Variants in RIMBP2 observed in about 807,000 individuals in gnomAD.
RIMBP2 encodes the protein RIMS-binding protein 2.
RIMBP2 carries 48 observed loss-of-function variants against 118.6 expected under a neutral mutation model. The observed-to-expected ratio is 0.40, with a 90% CI of 0.32 to 0.51. The LOEUF is 0.51. RIMBP2 is among the 20% of genes least tolerant of loss of function. RIMBP2 has a pLI of 0.41. For synonymous variants in RIMBP2, 762 were observed against 742.9 expected (o/e 1.03, Z -0.42); for missense variants, 1,551 against 1,768.3 (o/e 0.88, Z 2.20).
chr12:130,424,999 G>A lies in RIMBP2; in HGVS notation c.2413-141C>T, dbSNP rs12830091. ...GGGGAAGCATGCGTCTACTCAGGCCGGGGGCATGCCGTGGAGGGCTCTGCA... is the reference window on the plus strand; with the variant it reads ...GGGGAAGCATGCGTCTACTCAGGCCAGGGGCATGCCGTGGAGGGCTCTGCA... On this transcript the variant is annotated intron_variant, in intron 15 of 22. Transcript: ENST00000690449. This position sits in a 1 kb window ranked among gnomAD's most constrained non-coding sequence, Gnocchi z 9.8. The A allele has an allele frequency of 0.08, 35,763 of 445,080 alleles. 1,513 individuals carry two copies. The highest frequency in any genetic ancestry group is 0.092 in the South Asian group (731 of 7,938). The allele number at this position is 445,080 out of a possible 1,614,324, so 27.6% of individuals were successfully genotyped here. A position where few individuals can be genotyped will look rare whatever the true frequency, so the allele number is the denominator to read the frequency against.
At chr12:130,709,662 T>C (rs1479932410) in intron 1 of RIMBP2, among the ~76,000 whole-genome samples, 1 of 152,132 alleles carries the variant, frequency 6.6e-6, no homozygotes, top group Non-Finnish European at 1.5e-5. Context: ...GGCAGCGTGA[T>C]GGGGTGTGTT....
chr12:130,543,891 T>TGTCC, intron 2 of RIMBP2, among the ~76,000 whole-genome samples: 1 of 152,370 alleles, frequency 6.6e-6, no homozygotes, highest in South Asian at 2.1e-4. Context: ...TTTGGAAACC[T>TGTCC]GTCCTGCTAG....
chr12:130,696,260 G>A (rs1027986533), intron 1 of RIMBP2, among the ~76,000 whole-genome samples: 1 of 152,224 alleles, frequency 6.6e-6, no homozygotes, highest in African/African-American at 2.4e-5. Flanking sequence ...GCTGCCTGGG[G>A]AGGGCAGAGA....
chr12:130,570,303 G>A lies in RIMBP2; in HGVS notation c.-216-52386C>T, dbSNP rs570075189. On this transcript the variant is annotated intron_variant, in intron 2 of 22. Transcript: ENST00000690449. ...TAGCCGGGTATGGTGGCTTGCACCCGAAGGCCCAGCTAGTTGGGAGGCTGA... is the reference window on the plus strand; with the variant it reads ...TAGCCGGGTATGGTGGCTTGCACCCAAAGGCCCAGCTAGTTGGGAGGCTGA... 9.2e-5 allele frequency among the ~76,000 whole-genome samples: 14 copies of A among 152,220 alleles called. No individual in the cohort carries two copies. The East Asian group carries it at 1.5e-3, about 17-fold the overall frequency.
chr12:130,460,281 C>T (rs547759945), intron 6 of RIMBP2, among the ~76,000 whole-genome samples: 82 of 152,268 alleles, frequency 5.4e-4, no homozygotes, highest in African/African-American at 1.9e-3. Flanking sequence ...GGACGCAGGC[C>T]CCTCGGTAGG....
Position 130,601,311 on chromosome 12 carries a change from G to T in RIMBP2, c.-217+27011C>A, listed in dbSNP as rs1234630045. ...AAGCCACGGGCTGCTCACCCACCCT[G>T]GGGATGGGGTCAAAGAGGGCAGGCA... On this transcript the variant is annotated intron_variant, in intron 2 of 22. Transcript: ENST00000690449. 7.8e-5 allele frequency among the ~76,000 whole-genome samples: 11 copies of T among 141,438 alleles called. No homozygotes were observed. The Admixed American group carries it at 7.8e-4, about 10-fold the overall frequency. The allele number at this position is 141,438 out of a possible 152,430, so 92.8% of individuals were successfully genotyped here. A position where few individuals can be genotyped will look rare whatever the true frequency, so the allele number is the denominator to read the frequency against.
At chr12:130,696,207 C>T (rs900119788) in intron 1 of RIMBP2, among the ~76,000 whole-genome samples, 2 of 152,166 alleles carry the variant, frequency 1.3e-5, no homozygotes, top group African/African-American at 4.8e-5. Flanking sequence ...CATGGGTACA[C>T]GCAAAACCTT....
At chr12:130,403,109 A>G (rs971139021) in intron 21 of RIMBP2, among the ~76,000 whole-genome samples, 1 of 152,232 alleles carries the variant, frequency 6.6e-6, no homozygotes, top group Non-Finnish European at 1.5e-5. Flanking sequence ...GGACCGGTGG[A>G]GTATTTGAAT....
At chr12:130,651,239 T>A (rs188801560) in intron 1 of RIMBP2, 1 of 152,204 alleles carries the variant, frequency 6.6e-6, no homozygotes, top group East Asian at 1.9e-4. Context: ...CAGGCAGGTG[T>A]GAGAGAGATC....
chr12:130,491,343 A>T (rs887473820), intron 4 of RIMBP2, among the ~76,000 whole-genome samples: 3 of 151,996 alleles, frequency 2.0e-5, no homozygotes, highest in Non-Finnish European at 4.4e-5. Context: ...AGCCCAGCTC[A>T]CTCTCCCTCC....
chr12:130,529,697 G>T (rs12300708), intron 2 of RIMBP2, among the ~76,000 whole-genome samples: 11,536 of 152,196 alleles, frequency 0.076, 559 homozygotes, highest in East Asian at 0.24. Context: ...TAAGGCATCA[G>T]TCCCCAACAT....
At position 130,424,208 on chromosome 12, in the gene RIMBP2, G is replaced by A. The variant is rs2076610518; in HGVS notation, c.3063C>T (p.Thr1021=). The change falls in exon 16 of 23, where the codon ACC becomes ACT. Residue 1021 remains threonine (T), a synonymous_variant. Coordinates refer to ENST00000690449, the MANE Select transcript of RIMBP2 (RefSeq NM_001393629.1). This position sits in a 1 kb window ranked among gnomAD's most constrained non-coding sequence, Gnocchi z 9.8. ...GGGCAGCTGCCCTACTGTCGGGCAT[G>A]GTTATGCTTTTCTTCCAGACACCCC... ...DFRGVWKKSI[T]MPDSRAAAPH... The A allele has an allele frequency of 1.5e-5, 18 of 1,231,974 alleles. No homozygotes were observed. Among genetic ancestry groups the A allele is most frequent in the Non-Finnish European group, 1.5e-5 (15 of 987,966 alleles). The allele number at this position is 1,231,974 out of a possible 1,614,324, so 76.3% of individuals were successfully genotyped here.
In RIMBP2 at chr12:130,434,935, C is replaced by T. The variant is rs2077401748; in HGVS notation, c.2107-55G>A. The T allele has an allele frequency of 8.4e-6, 13 of 1,543,154 alleles. No individual in the cohort carries two copies. The highest frequency in any genetic ancestry group is 1.0e-5 in the Non-Finnish European group (12 of 1,143,944). On this transcript the variant is annotated intron_variant, in intron 13 of 22. Transcript: ENST00000690449. This position sits in a 1 kb window ranked among gnomAD's most constrained non-coding sequence, Gnocchi z 5.7. Reference sequence around the variant, plus strand: ...AGGCAGGGCCACCTTCAGCTACGCTCAGCCCCACCTGCATTCACCAAACCT... The same window carrying T: ...AGGCAGGGCCACCTTCAGCTACGCTTAGCCCCACCTGCATTCACCAAACCT...
At chr12:130,569,084 A>T (rs1368286205) in intron 2 of RIMBP2, among the ~76,000 whole-genome samples, 3 of 151,746 alleles carry the variant, frequency 2.0e-5, no homozygotes, top group Non-Finnish European at 4.4e-5. Context: ...CCGTGTATAA[A>T]ACCTTATTCT....
At chr12:130,680,003 ATG>A (rs2064699063) in intron 1 of RIMBP2, among the ~76,000 whole-genome samples, 2 of 151,998 alleles carry the variant, frequency 1.3e-5, no homozygotes, top group South Asian at 2.1e-4. Flanking sequence ...GAGTGTGATC[ATG>A]CAGGCAGTGT....
At chr12:130,612,501 G>A (rs2060618872) in intron 2 of RIMBP2, among the ~76,000 whole-genome samples, 3 of 152,156 alleles carry the variant, frequency 2.0e-5, no homozygotes, top group African/African-American at 7.2e-5. Context: ...CCAGGTTGGG[G>A]GTCCCCAGCC....
At chr12:130,435,333 C>T (rs1043071979) in intron 13 of RIMBP2, among the ~76,000 whole-genome samples, 9 of 152,256 alleles carry the variant, frequency 5.9e-5, no homozygotes, top group Admixed American at 1.3e-4. Flanking sequence ...CATGAGCCAC[C>T]GCGTCCAGCC....
intron 6 of RIMBP2, among the ~76,000 whole-genome samples, chr12:130,457,040 C>T (rs1057207985): frequency 2.6e-5 from 4 of 152,154 alleles, no homozygotes; most frequent in East Asian, 1.9e-4. Flanking sequence ...CCCAGCCAAC[C>T]GTAGATTGTT....
At chr12:130,678,142 T>C (rs983495309) in intron 1 of RIMBP2, among the ~76,000 whole-genome samples, 7 of 152,204 alleles carry the variant, frequency 4.6e-5, no homozygotes, top group African/African-American at 1.7e-4. Context: ...GCAGCCTCTA[T>C]GACCCTAGAC....
Sources: allele counts gnomAD v4.1 joint callset (sites outside exome capture counted in the v4.1 genomes callset), GRCh38; gene constraint gnomAD v4.1.1; non-coding constraint Gnocchi (gnomAD v3.1); transcripts MANE v1.5; gene names NCBI Gene and HGNC (gene_info 2026-07-23, HGNC 2026-07-21).